C7orf78: variants seen among roughly 807,000 people sequenced by gnomAD.
The protein encoded by C7orf78 is chromosome 7 open reading frame 78, also known as putative uncharacterized protein C7orf78.
chr7:12,521,623 C>T, the C7orf78 span, among the ~76,000 whole-genome samples: 6 of 141,490 alleles, frequency 4.2e-5, no homozygotes, highest in Non-Finnish European at 6.1e-5. Flanking sequence ...TCACCTAAAT[C>T]GTTGCTATGT....
At chr7:12,536,293 C>A in the C7orf78 span, among the ~76,000 whole-genome samples, 1 of 152,176 alleles carries the variant, frequency 6.6e-6, no homozygotes, top group Non-Finnish European at 1.5e-5. Context: ...ACAGGCTCAA[C>A]ACCATGTGGA....
the C7orf78 span, among the ~76,000 whole-genome samples, chr7:12,511,896 C>T: frequency 1.6e-4 from 23 of 145,826 alleles, no homozygotes; most frequent in African/African-American, 4.3e-4. Context: ...GGACTACAGG[C>T]GCCCACCACC....
chr7:12,488,187 T>C, the C7orf78 span, among the ~76,000 whole-genome samples: 354 of 152,178 alleles, frequency 2.3e-3, 1 homozygote, highest in African/African-American at 8.2e-3. Context: ...AAATATGTTA[T>C]TTTCATAAAA....
the C7orf78 span, among the ~76,000 whole-genome samples, chr7:12,506,421 G>C: frequency 2.0e-5 from 3 of 152,290 alleles, 1 homozygote; most frequent in South Asian, 6.2e-4. Flanking sequence ...ACTGGATAGA[G>C]AAAATGTGGC....
At chr7:12,497,765 T>TC in the C7orf78 span, among the ~76,000 whole-genome samples, 246 of 151,804 alleles carry the variant, frequency 1.6e-3, 1 homozygote, top group African/African-American at 5.6e-3. Context: ...CTCTGTAGGC[T>TC]CCACCTCTGG....
the C7orf78 span, among the ~76,000 whole-genome samples, chr7:12,525,668 C>G: frequency 6.6e-6 from 1 of 151,910 alleles, no homozygotes; most frequent in African/African-American, 2.4e-5. Flanking sequence ...TTTTCATAAA[C>G]AAGTTTTAAA....
the C7orf78 span, among the ~76,000 whole-genome samples, chr7:12,536,201 C>CT: frequency 6.6e-6 from 1 of 152,188 alleles, no homozygotes; most frequent in Non-Finnish European, 1.5e-5. Context: ...CAAACTTCTG[C>CT]TTGGGCATCC....
the C7orf78 span, among the ~76,000 whole-genome samples, chr7:12,503,316 T>G: frequency 6.6e-6 from 1 of 152,074 alleles, no homozygotes; most frequent in Non-Finnish European, 1.5e-5. Flanking sequence ...ACTTGAATTG[T>G]GGATATTCAA....
chr7:12,483,444 A>C, the C7orf78 span: 3 of 152,226 alleles, frequency 2.0e-5, no homozygotes, highest in Non-Finnish European at 4.4e-5. Context: ...GGATTTCTCA[A>C]AGACAAAGAA....
At chr7:12,503,964 C>G in the C7orf78 span, among the ~76,000 whole-genome samples, 1 of 151,824 alleles carries the variant, frequency 6.6e-6, no homozygotes, top group Non-Finnish European at 1.5e-5. Flanking sequence ...AAAAAGGAAA[C>G]AAAAAGAAAA....
the C7orf78 span, among the ~76,000 whole-genome samples, chr7:12,489,850 G>A: frequency 6.6e-6 from 1 of 151,872 alleles, no homozygotes; most frequent in Non-Finnish European, 1.5e-5. Flanking sequence ...TAATGAAGCT[G>A]GCAGGAGAAA....
chr7:12,524,073 A>C, the C7orf78 span, among the ~76,000 whole-genome samples: 1 of 152,180 alleles, frequency 6.6e-6, no homozygotes, highest in African/African-American at 2.4e-5. Flanking sequence ...ATCTAGAAAT[A>C]GTGAGATAAA....
At chr7:12,498,878 A>C in the C7orf78 span, among the ~76,000 whole-genome samples, 13,200 of 149,250 alleles carry the variant, frequency 0.088, 719 homozygotes, top group Non-Finnish European at 0.12. Flanking sequence ...AGACTAACAG[A>C]GGATCTCTCG....
At chr7:12,493,819 A>G in the C7orf78 span, among the ~76,000 whole-genome samples, 1 of 152,256 alleles carries the variant, frequency 6.6e-6, no homozygotes, top group Non-Finnish European at 1.5e-5. Flanking sequence ...TGCCTGGTCC[A>G]CAGCAAAGAT....
the C7orf78 span, among the ~76,000 whole-genome samples, chr7:12,490,074 A>C: frequency 6.6e-6 from 1 of 152,128 alleles, no homozygotes; most frequent in Non-Finnish European, 1.5e-5. Flanking sequence ...TGCTGTGGTA[A>C]GCACAATATG....
At chr7:12,529,708 A>C in the C7orf78 span, among the ~76,000 whole-genome samples, 1 of 152,178 alleles carries the variant, frequency 6.6e-6, no homozygotes. Context: ...CCAGGTCATA[A>C]GTAGATTTGA....
chr7:12,495,234 G>T, the C7orf78 span, among the ~76,000 whole-genome samples: 13 of 152,150 alleles, frequency 8.5e-5, no homozygotes, highest in African/African-American at 1.4e-4. Context: ...TGTTACTCAT[G>T]AAAGTCTATT....
the C7orf78 span, among the ~76,000 whole-genome samples, chr7:12,498,553 G>C: frequency 6.6e-6 from 1 of 151,986 alleles, no homozygotes; most frequent in African/African-American, 2.4e-5. Flanking sequence ...AAAAAGAAAC[G>C]AGCAAAGCCT....
the C7orf78 span, among the ~76,000 whole-genome samples, chr7:12,492,568 A>G: frequency 6.6e-6 from 1 of 152,224 alleles, no homozygotes; most frequent in African/African-American, 2.4e-5. Flanking sequence ...CATAAACACA[A>G]TCCAAAGTCT....
Sources: allele counts gnomAD v4.1 joint callset (sites outside exome capture counted in the v4.1 genomes callset), GRCh38; gene constraint gnomAD v4.1.1; transcripts MANE v1.5; gene names NCBI Gene and HGNC (gene_info 2026-07-23, HGNC 2026-07-21).